Variants in UHRF2 observed in about 807,000 individuals in gnomAD.
UHRF2 encodes E3 ubiquitin-protein ligase UHRF2.
A neutral mutation model predicts 96.8 loss-of-function variants in UHRF2; 23 were observed. The ratio of observed to expected loss-of-function variants is 0.24; its 90% CI spans 0.17 to 0.34. The LOEUF (loss-of-function observed/expected upper bound fraction) is 0.34. Among genes scored for constraint, UHRF2 ranks in the 10% least tolerant of loss-of-function variants. UHRF2 has a pLI of 1.00. For missense variants in UHRF2, 685 were observed against 981.5 expected, an observed-to-expected ratio of 0.70 and a Z score of 4.04; for synonymous variants, 385 against 332.6, an observed-to-expected ratio of 1.16 and a Z score of -1.72.
Position 6,499,816 on chromosome 9 carries a change from C to A in UHRF2, c.1909-19C>A. 6.4e-7 allele frequency: 1 copy of A among 1,564,654 alleles called. No individual in the cohort carries two copies. The highest frequency in any genetic ancestry group is 8.7e-7 in the Non-Finnish European group (1 of 1,152,570). ...AAGCTTAAATCTGCATTGTACTCTC[C>A]CTCCTCCCCCCCCATCAGTATCCAG... On this transcript the variant is annotated intron_variant, in intron 12 of 15. Coordinates refer to ENST00000276893, the MANE Select transcript of UHRF2 (RefSeq NM_152896.3).
chr9:6,440,187 A>C (rs1821082387), intron 3 of UHRF2, among the ~76,000 whole-genome samples: 1 of 152,156 alleles, frequency 6.6e-6, no homozygotes, highest in Non-Finnish European at 1.5e-5. Context: ...TGACTGAGGG[A>C]AGTAGTGGTC....
At chr9:6,469,347 G>A (rs553414312) in intron 4 of UHRF2, among the ~76,000 whole-genome samples, 12 of 151,848 alleles carry the variant, frequency 7.9e-5, no homozygotes, top group Non-Finnish European at 1.8e-4. Flanking sequence ...GTGAAACCCC[G>A]TCTCTACTGA....
At chr9:6,500,185 C>A (rs1816211465) in intron 13 of UHRF2, among the ~76,000 whole-genome samples, 1 of 152,106 alleles carries the variant, frequency 6.6e-6, no homozygotes, top group Non-Finnish European at 1.5e-5. Context: ...CCAAGCTGGT[C>A]TTGAACTCCT....
intron 4 of UHRF2, among the ~76,000 whole-genome samples, chr9:6,463,521 A>G (rs1317155282): frequency 3.3e-5 from 5 of 151,012 alleles, no homozygotes; most frequent in African/African-American, 7.3e-5. Flanking sequence ...CCCAGGCTGC[A>G]TAGCAGTGGC....
chr9:6,499,725 T>C, intron 12 of UHRF2, 110 bp from the exon 13 acceptor site: 2 of 568,088 alleles, frequency 3.5e-6, no homozygotes. Context: ...TTTTTCAGTT[T>C]GGGGAACGTG....
At chr9:6,478,248 A>G (rs1054853843) in intron 6 of UHRF2, among the ~76,000 whole-genome samples, 2 of 152,194 alleles carry the variant, frequency 1.3e-5, no homozygotes, top group African/African-American at 4.8e-5. Context: ...TCAGGTTGTC[A>G]CACTTGACAT....
At chr9:6,477,837 G>A (rs942075534) in intron 6 of UHRF2, 29 bp downstream of exon 6, 1 of 1,537,110 alleles carries the variant, frequency 6.5e-7, no homozygotes, top group Non-Finnish European at 8.8e-7. Flanking sequence ...TGTTGTTGTT[G>A]TTCTTGCTGT....
At chr9:6,469,419 G>A (rs1823079713) in intron 4 of UHRF2, among the ~76,000 whole-genome samples, 1 of 152,030 alleles carries the variant, frequency 6.6e-6, no homozygotes, top group African/African-American at 2.4e-5. Context: ...TCGGGAGGCT[G>A]AGGCAGGAGA....
chr9:6,491,514 T>C (rs1328400917), intron 9 of UHRF2, among the ~76,000 whole-genome samples: 1 of 152,202 alleles, frequency 6.6e-6, no homozygotes, highest in Non-Finnish European at 1.5e-5. Context: ...AACCTTGAAT[T>C]AAGTCATTAA....
intron 8 of UHRF2, among the ~76,000 whole-genome samples, chr9:6,483,324 CAAAAAAA>C (rs34497002): frequency 1.2e-4 from 7 of 59,536 alleles, no homozygotes; most frequent in Non-Finnish European, 1.8e-4. Flanking sequence ...GACTCTGTCT[CAAAAAAA>C]AAAAAAAAAA....
chr9:6,484,575 G>GT (rs1469838452), intron 8 of UHRF2: 28 of 145,994 alleles, frequency 1.9e-4, no homozygotes, highest in African/African-American at 7.1e-4. Flanking sequence ...GCTGATTTTT[G>GT]TGTTTTTTTT....
intron 3 of UHRF2, among the ~76,000 whole-genome samples, chr9:6,456,900 T>A (rs576580442): frequency 6.6e-6 from 1 of 152,344 alleles, no homozygotes; most frequent in South Asian, 2.1e-4. Context: ...ACATGTCTGT[T>A]TTGGTTACTG....
At chr9:6,492,350 G>A in intron 9 of UHRF2, 1 of 1,222,918 alleles carries the variant, frequency 8.2e-7, no homozygotes, top group South Asian at 1.4e-5. Flanking sequence ...CCAGATACCG[G>A]GTGGAAGACT....
At chr9:6,420,866 G>A (rs1386807336) in intron 1 of UHRF2, 46 bp from the exon 2 acceptor site, 1 of 1,456,390 alleles carries the variant, frequency 6.9e-7, no homozygotes, top group East Asian at 2.3e-5. Flanking sequence ...AATGTAGTAA[G>A]ATACATTTTA....
chr9:6,460,485 A>T, intron 3 of UHRF2, 88 bp from the exon 4 acceptor site: 1 of 1,107,906 alleles, frequency 9.0e-7, no homozygotes, highest in Non-Finnish European at 1.3e-6. Flanking sequence ...TTAGATGATT[A>T]ACTCAGCAAA....
At chr9:6,432,846 T>C (rs1480728609) in intron 2 of UHRF2, among the ~76,000 whole-genome samples, 3 of 152,136 alleles carry the variant, frequency 2.0e-5, no homozygotes, top group Non-Finnish European at 4.4e-5. Flanking sequence ...GCCATTTTTT[T>C]TTTTTTCTTT....
At chr9:6,423,618 ATTTGAGTCATTAGTGAT>A (rs1414044806) in intron 2 of UHRF2, among the ~76,000 whole-genome samples, 1 of 150,844 alleles carries the variant, frequency 6.6e-6, no homozygotes, top group Admixed American at 6.6e-5. Flanking sequence ...TTAAATACAA[ATTTGAGTCATTAGTGAT>A]TTTTTTTTTT....
rs553963674 is a variant in UHRF2, at chr9:6,500,233, G to A, written c.2005+302G>A. Among the ~76,000 whole-genome samples, 393 of 152,238 alleles carry A rather than the reference G, an allele frequency of 2.6e-3. 2 individuals are homozygous for A. Among genetic ancestry groups the A allele is most frequent in the South Asian group, 5.4e-3 (26 of 4,824 alleles). On this transcript the variant is annotated intron_variant, in intron 13 of 15. Transcript: ENST00000276893. ...TCCTCCTGCCTCAGCCTCCTAAAGT[G>A]CTGGGATTACAGGCAGAAGCCACTG...
intron 5 of UHRF2, among the ~76,000 whole-genome samples, chr9:6,476,723 T>G (rs979059479): frequency 6.6e-6 from 1 of 151,802 alleles, no homozygotes; most frequent in Non-Finnish European, 1.5e-5. Flanking sequence ...GCCTCTCGAG[T>G]AGCTTGGATT....
Sources: gnomAD v4.1 joint callset for allele counts (sites outside exome capture counted in the v4.1 genomes callset) on GRCh38, gnomAD v4.1.1 for gene constraint, MANE v1.5 for transcripts, NCBI Gene and HGNC (gene_info 2026-07-23, HGNC 2026-07-21) for gene names.